UCHL3: variants seen among roughly 807,000 people sequenced by gnomAD.
The protein encoded by UCHL3 is ubiquitin C-terminal hydrolase L3.
In UCHL3, 22 loss-of-function variants were observed where a neutral mutation model predicts 35.8. The observed-to-expected ratio is 0.61, with a 90% CI of 0.44 to 0.88. The LOEUF (loss-of-function observed/expected upper bound fraction) is 0.88, where lower values mean the gene tolerates loss of function less well. Ranked by LOEUF, UCHL3 falls within the 40% of genes least tolerant of loss-of-function variation. The pLI, the probability that UCHL3 is intolerant of heterozygous loss-of-function variation, is 0.00. For synonymous variants in UCHL3, 90 were observed against 92.8 expected, an observed-to-expected ratio of 0.97 and a Z score of 0.17; for missense variants, 229 against 276.9, an observed-to-expected ratio of 0.83 and a Z score of 1.23.
chr13:75,577,289 G>A (rs1162490781), intron 6 of UCHL3, among the ~76,000 whole-genome samples: 1 of 152,114 alleles, frequency 6.6e-6, no homozygotes, highest in Non-Finnish European at 1.5e-5. Context: ...AGATGGTTGT[G>A]TCTGTACTGA....
chr13:75,561,366 A>T (rs1342853935), intron 3 of UCHL3, among the ~76,000 whole-genome samples: 1 of 152,166 alleles, frequency 6.6e-6, no homozygotes, highest in Non-Finnish European at 1.5e-5. Context: ...TATTAAAGAG[A>T]TGATATTTCT....
intron 6 of UCHL3, among the ~76,000 whole-genome samples, chr13:75,591,919 C>T (rs928709550): frequency 3.3e-5 from 5 of 152,028 alleles, no homozygotes; most frequent in Non-Finnish European, 7.4e-5. Context: ...ATTTAAAATC[C>T]ACAATGCTGC....
At chr13:75,573,512 C>A (rs915261737) in intron 6 of UCHL3, among the ~76,000 whole-genome samples, 2 of 152,130 alleles carry the variant, frequency 1.3e-5, no homozygotes, top group Non-Finnish European at 2.9e-5. Flanking sequence ...AGCAAAGTGT[C>A]AGCAGGGTTG....
At chr13:75,602,575 C>T (rs914555083) in intron 7 of UCHL3, among the ~76,000 whole-genome samples, 14 of 152,138 alleles carry the variant, frequency 9.2e-5, no homozygotes, top group Non-Finnish European at 1.5e-4. Flanking sequence ...TGAAATTACA[C>T]GCAAAGTTGT....
intron 6 of UCHL3, among the ~76,000 whole-genome samples, chr13:75,586,218 T>C (rs1466850353): frequency 2.6e-5 from 4 of 152,034 alleles, no homozygotes; most frequent in African/African-American, 7.2e-5. Context: ...AGTAGTTATA[T>C]TGACATGAAG....
intron 6 of UCHL3, among the ~76,000 whole-genome samples, chr13:75,589,245 A>G (rs1234036135): frequency 2.0e-5 from 3 of 152,168 alleles, no homozygotes; most frequent in African/African-American, 4.8e-5. Context: ...TTTGCATAAC[A>G]GGAATAGTTG....
Position 75,549,844 on chromosome 13 carries a change from G to T in UCHL3, c.24G>T (p.Pro8=). The change falls in exon 1 of 9, where the codon CCG becomes CCT. Residue 8 remains proline, a synonymous_variant. Transcript: ENST00000377595. ...CCATGGAGGGTCAACGCTGGCTGCCGCTGGAGGCCAATCCCGAGGTGGGCG... is the reference window on the plus strand; with the variant it reads ...CCATGGAGGGTCAACGCTGGCTGCCTCTGGAGGCCAATCCCGAGGTGGGCG... MEGQRWL[P]LEANPEVTNQ... 3.1e-6 allele frequency: 5 copies of T among 1,601,062 alleles called. No homozygotes were observed. Among genetic ancestry groups the T allele is most frequent in the East Asian group, 2.3e-5 (1 of 44,266 alleles).
intron 3 of UCHL3, among the ~76,000 whole-genome samples, chr13:75,564,268 A>T (rs2031613651): frequency 6.6e-6 from 1 of 151,112 alleles, no homozygotes; most frequent in South Asian, 2.1e-4. Flanking sequence ...CTCCCACCTC[A>T]GCCTCCCGAG....
chr13:75,602,417 C>T (rs551509320), intron 7 of UCHL3, among the ~76,000 whole-genome samples: 1 of 152,318 alleles, frequency 6.6e-6, no homozygotes, highest in Non-Finnish European at 1.5e-5. Context: ...CCCGTCCAGC[C>T]TGGAAGTGGC....
intron 6 of UCHL3, among the ~76,000 whole-genome samples, chr13:75,574,011 A>T (rs2031944463): frequency 6.6e-6 from 1 of 151,296 alleles, no homozygotes; most frequent in African/African-American, 2.4e-5. Flanking sequence ...AGGTCAGGAG[A>T]TCGAGGCCAT....
At chr13:75,581,636 G>A (rs1224427422) in intron 6 of UCHL3, among the ~76,000 whole-genome samples, 1 of 151,028 alleles carries the variant, frequency 6.6e-6, no homozygotes, top group Non-Finnish European at 1.5e-5. Flanking sequence ...GGGATTACAG[G>A]TGTGAGCCAC....
intron 6 of UCHL3, among the ~76,000 whole-genome samples, chr13:75,591,074 G>T (rs2032466744): frequency 1.3e-5 from 2 of 152,144 alleles, no homozygotes; most frequent in Non-Finnish European, 2.9e-5. Context: ...TATAAATTAT[G>T]ATGGCTTTTG....
chr13:75,597,696 A>G (rs1225686696), intron 7 of UCHL3, among the ~76,000 whole-genome samples: 3 of 152,206 alleles, frequency 2.0e-5, no homozygotes, highest in Non-Finnish European at 4.4e-5. Context: ...TTGGTATGAG[A>G]TGGGGCCGGT....
intron 6 of UCHL3, among the ~76,000 whole-genome samples, chr13:75,587,853 G>A (rs2032368662): frequency 6.6e-6 from 1 of 152,108 alleles, no homozygotes; most frequent in Non-Finnish European, 1.5e-5. Context: ...GGAACAAAGA[G>A]CCTGTTTGCT....
At chr13:75,563,127 T>TATGTATGTATG (rs1566212344) in intron 3 of UCHL3, among the ~76,000 whole-genome samples, 1 of 56,334 alleles carries the variant, frequency 1.8e-5, no homozygotes, top group African/African-American at 3.9e-5. Flanking sequence ...TCATTATCCT[T>TATGTATGTATG]TATGTATGTA....
In UCHL3 at chr13:75,600,740, A is replaced by C. The variant is rs935961699; in HGVS notation, c.551-4029A>C. 3.3e-5 allele frequency among the ~76,000 whole-genome samples: 5 copies of C among 152,262 alleles called. No homozygotes were observed. In the South Asian group the frequency reaches 1.0e-3, roughly 31 times the overall value. On this transcript the variant is annotated intron_variant, in intron 7 of 8. Coordinates refer to ENST00000377595, the MANE Select transcript of UCHL3 (RefSeq NM_006002.5). ...ATATTTTCATTTCTGCTAACACAGC[A>C]TCCATTCTGCAGCCCATGGATCAAG...
At chr13:75,585,628 T>C (rs1034863350) in intron 6 of UCHL3, among the ~76,000 whole-genome samples, 2 of 152,122 alleles carry the variant, frequency 1.3e-5, no homozygotes, top group African/African-American at 4.8e-5. Flanking sequence ...ATAAATTTTA[T>C]TCTTGTTTTA....
chr13:75,561,329 A>G (rs1380322175), intron 3 of UCHL3, among the ~76,000 whole-genome samples: 1 of 152,160 alleles, frequency 6.6e-6, no homozygotes, highest in Non-Finnish European at 1.5e-5. Flanking sequence ...TAGGCAATCT[A>G]GTCAGTAAAG....
chr13:75,569,375 G>T, intron 5 of UCHL3, 85 bp from the exon 6 acceptor site: 1 of 991,536 alleles, frequency 1.0e-6, no homozygotes, highest in South Asian at 1.6e-5. Context: ...GAAGACTTTA[G>T]GTGTTAAAAT....
Sources: gnomAD v4.1 joint callset for allele counts (sites outside exome capture counted in the v4.1 genomes callset) on GRCh38, gnomAD v4.1.1 for gene constraint, MANE v1.5 for transcripts, NCBI Gene and HGNC (gene_info 2026-07-23, HGNC 2026-07-21) for gene names.